Variants in FUBP1 observed in about 807,000 individuals in gnomAD.
FUBP1 encodes the protein far upstream element-binding protein 1.
FUBP1 carries 16 observed loss-of-function variants against 94.9 expected under a neutral mutation model. The observed-to-expected ratio is 0.17, with a 90% CI of 0.11 to 0.26. FUBP1 has a LOEUF of 0.26. Among genes scored for constraint, FUBP1 ranks in the 10% least tolerant of loss-of-function variants. The pLI, the probability that FUBP1 is intolerant of heterozygous loss-of-function variation, is 1.00. For missense variants in FUBP1, 583 were observed against 808.6 expected, an observed-to-expected ratio of 0.72 and a Z score of 3.38; for synonymous variants, 279 against 254.9, an observed-to-expected ratio of 1.09 and a Z score of -0.90.
chr1:77,959,777 T>C (rs977750902), intron 16 of FUBP1, among the ~76,000 whole-genome samples: 6 of 152,230 alleles, frequency 3.9e-5, no homozygotes, highest in African/African-American at 1.4e-4. Context: ...GACTTCTGAA[T>C]AGGTGGGATT....
At chr1:77,964,201 G>GT in intron 11 of FUBP1, 39 bp from the exon 12 acceptor site, 1 of 1,543,512 alleles carries the variant, frequency 6.5e-7, no homozygotes, top group Non-Finnish European at 9.0e-7. Flanking sequence ...AACAATAAAT[G>GT]TATGTCAAAA....
Position 77,965,225 on chromosome 1 carries a change from T to G in FUBP1, c.480A>C (p.Ala160=), listed in dbSNP as rs773825039. The G allele has an allele frequency of 3.7e-6, 6 of 1,600,036 alleles. No individual in the cohort carries two copies. Among genetic ancestry groups the G allele is most frequent in the Non-Finnish European group, 5.1e-6 (6 of 1,168,614 alleles). ...LTGTPESVQS[A]KRLLDQIVEK... ...CAACAATCTGGTCCAGTAACCGTTT[T>G]GCTGACCTGTTAACAAATTAATATT... Residue 160 remains alanine, a synonymous_variant, in exon 8 of 20, where the codon GCA becomes GCC. Transcript: ENST00000370768.
At chr1:77,977,270 C>T (rs1658800815) in intron 1 of FUBP1, among the ~76,000 whole-genome samples, 1 of 152,074 alleles carries the variant, frequency 6.6e-6, no homozygotes, top group South Asian at 2.1e-4. Flanking sequence ...CTTTGGGAGG[C>T]CAAGACGGGC....
intron 18 of FUBP1, among the ~76,000 whole-genome samples, chr1:77,953,420 G>GGCGGAGGTTGCAGTGA (rs1236939378): frequency 1.3e-5 from 2 of 152,176 alleles, no homozygotes; most frequent in African/African-American, 4.8e-5. Context: ...GAACCTGGGA[G>GGCGGAGGTTGCAGTGA]GCGGAGGTTG....
chr1:77,946,159 T>C lies in FUBP1; in HGVS notation c.*2607A>G, dbSNP rs751833265. Among the ~76,000 whole-genome samples the C allele has an allele frequency of 6.6e-6, 1 of 151,978 alleles. No individual in the cohort carries two copies. The highest frequency in any genetic ancestry group is 2.4e-5 in the African/African-American group (1 of 41,424). On this transcript the variant is annotated 3_prime_UTR_variant, in exon 20 of 20. Coordinates refer to ENST00000370768, the MANE Select transcript of FUBP1 (RefSeq NM_003902.5). ...CATATAAAACAGATTGTGAAGGCTG[T>C]TGAAGTTTCTAAACAAGTGATTTCC...
intron 14 of FUBP1, among the ~76,000 whole-genome samples, chr1:77,961,157 G>T (rs1655403590): frequency 6.6e-6 from 1 of 152,046 alleles, no homozygotes; most frequent in South Asian, 2.1e-4. Flanking sequence ...ATGCATGCAT[G>T]CCACATCATT....
chr1:77,971,912 G>A (rs1213490447), intron 1 of FUBP1, among the ~76,000 whole-genome samples: 1 of 151,518 alleles, frequency 6.6e-6, no homozygotes, highest in African/African-American at 2.4e-5. Context: ...GGCTCAGGTG[G>A]GAGAACTGCT....
Position 77,964,711 on chromosome 1 carries a change from G to C in FUBP1, c.772C>G (p.Gln258Glu), listed in dbSNP as rs1656149273. Residue 258 changes from glutamine to glutamate, a missense_variant, in exon 10 of 20, where the codon CAA (glutamine) becomes GAA (glutamate). Coordinates refer to ENST00000370768, the MANE Select transcript of FUBP1 (RefSeq NM_003902.5). ...TTCCGAACTTCTCTGAAACCGCCTT[G>C]ATCACGAATTAACTCTAACACCATT... ...KEMVLELIRDQGGFREVRNEY... is the reference protein window; with the variant it reads ...KEMVLELIRDEGGFREVRNEY... 6.2e-7 allele frequency: 1 copy of C among 1,612,998 alleles called. No homozygotes were observed. Among genetic ancestry groups the C allele is most frequent in the Non-Finnish European group, 8.5e-7 (1 of 1,179,032 alleles).
chr1:77,965,859 C>G lies in FUBP1; in HGVS notation c.474-628G>C, dbSNP rs192803063. ...GTCAAGAGATTGAGACCATCCCGGCCAACATGGTGAAACCCTGTCTCTACT... is the reference window on the plus strand; with the variant it reads ...GTCAAGAGATTGAGACCATCCCGGCGAACATGGTGAAACCCTGTCTCTACT... On this transcript the variant is annotated intron_variant, in intron 7 of 19. Coordinates refer to ENST00000370768, the MANE Select transcript of FUBP1 (RefSeq NM_003902.5). 3.3e-5 allele frequency among the ~76,000 whole-genome samples: 5 copies of G among 152,206 alleles called. No homozygotes were observed. In the East Asian group the frequency reaches 9.7e-4, roughly 29 times the overall value.
In FUBP1 at chr1:77,967,649, G is replaced by A; in HGVS notation, c.268C>T (p.Pro90Ser). Reference protein sequence around the residue: ...PQNDSFGTQLPPMHQQQSRSV... With the variant: ...PQNDSFGTQLSPMHQQQSRSV... ...TACCTTTGCTGCTGATGCATCGGTG[G>A]TAACTGTGTTCCAAAAGCTATCAAA... Residue 90 changes from proline to serine, a missense_variant, in exon 4 of 20, where the codon CCA becomes TCA. Transcript: ENST00000370768. 1.3e-6 allele frequency: 2 copies of A among 1,585,180 alleles called. No homozygotes were observed. The highest frequency in any genetic ancestry group is 1.3e-5 in the African/African-American group (1 of 74,498).
chr1:77,979,250 A>C (rs1659379275), upstream of FUBP1: 1 of 476,680 alleles, frequency 2.1e-6, no homozygotes, highest in Non-Finnish European at 3.8e-6. Context: ...AGACTTCGCG[A>C]GAACAGAATT....
Position 77,966,735 on chromosome 1 carries a change from T to G in FUBP1, c.432A>C (p.Pro144=). ...IQIAPDSGGL[P]ERSCMLTGTP... is the part of the protein sequence containing the mutation. ...TTCCAGTTAACATACAGGACCTTTC[T>G]GGAAGGCCACCACTGTCTACAATTT... The change falls in exon 7 of 20, where the codon CCA becomes CCC. Residue 144 remains proline (P), a synonymous_variant. Transcript: ENST00000370768. The G allele has an allele frequency of 6.3e-7, 1 of 1,577,064 alleles. No homozygotes were observed. The highest frequency in any genetic ancestry group is 8.7e-7 in the Non-Finnish European group (1 of 1,146,554).
intron 18 of FUBP1, among the ~76,000 whole-genome samples, chr1:77,952,355 C>T (rs1325871441): frequency 6.6e-6 from 1 of 151,086 alleles, no homozygotes; most frequent in Non-Finnish European, 1.5e-5. Flanking sequence ...TTAACCCACA[C>T]CTGTTTTCAA....
At chr1:77,970,207 T>G (rs1220971754) in intron 1 of FUBP1, among the ~76,000 whole-genome samples, 192 bp from the exon 2 acceptor site, 3 of 152,156 alleles carry the variant, frequency 2.0e-5, no homozygotes, top group Non-Finnish European at 4.4e-5. Context: ...ATAATAATCA[T>G]AAGATTATTA....
chr1:77,967,859 C>T (rs539456454), intron 3 of FUBP1, among the ~76,000 whole-genome samples, 193 bp from the exon 4 acceptor site: 90 of 152,204 alleles, frequency 5.9e-4, no homozygotes, highest in African/African-American at 2.1e-3. Flanking sequence ...AAAGGGAAGA[C>T]ATTATATTAG....
intron 1 of FUBP1, among the ~76,000 whole-genome samples, chr1:77,973,991 T>C (rs1437726954): frequency 6.6e-6 from 1 of 152,170 alleles, no homozygotes; most frequent in Non-Finnish European, 1.5e-5. Context: ...GGCACGATCA[T>C]GGCTCACTTA....
Position 77,947,364 on chromosome 1 carries a change from T to C in FUBP1, c.*1402A>G. 1 of 468,284 alleles carries C rather than the reference T, an allele frequency of 2.1e-6. No homozygotes were observed. The highest frequency in any genetic ancestry group is 4.2e-6 in the Non-Finnish European group (1 of 238,750). 29.0% of individuals were successfully genotyped at this position (468,284 alleles called of 1,614,324 possible). On this transcript the variant is annotated 3_prime_UTR_variant, in exon 20 of 20. Coordinates refer to ENST00000370768, the MANE Select transcript of FUBP1 (RefSeq NM_003902.5). ...ATCAGCACTGTATTCCAACATAATATTCACACAACGTATGGCATTTGCATT... is the reference window on the plus strand; with the variant it reads ...ATCAGCACTGTATTCCAACATAATACTCACACAACGTATGGCATTTGCATT...
In FUBP1 at chr1:77,970,000, C is replaced by T. The variant is rs2102455229; in HGVS notation, c.136G>A (p.Gly46Arg). ...QRARQIAAKI[G>R]GDAGTSLNSN... ...TTCAGTGATGTCCCTGCATCACCTC[C>T]AATTTTTGCTGCAATCTAAAAAAAA... is the stretch of plus-strand genomic sequence containing the variant. The change falls in exon 2 of 20, where the codon GGA becomes AGA. Residue 46 changes from glycine (G) to arginine (R), a missense_variant. Transcript: ENST00000370768. The T allele has an allele frequency of 6.4e-7, 1 of 1,567,648 alleles. No individual in the cohort carries two copies. Among genetic ancestry groups the T allele is most frequent in the Non-Finnish European group, 8.7e-7 (1 of 1,147,520 alleles).
rs370561041 is a variant in FUBP1 at position 77,976,454 on chromosome 1, TAAG to T, written c.120+2428_120+2430del. On this transcript the variant is annotated intron_variant, in intron 1 of 19. Transcript: ENST00000370768. ...CAATTTGCCAACAATTTCTATATTT[TAAG>T]AAGTATAAAGAAATTATGGCTTAGC... Among the ~76,000 whole-genome samples, 255 of 152,328 alleles carry T rather than the reference TAAG, an allele frequency of 1.7e-3. 4 individuals carry two copies. Among genetic ancestry groups the T allele is most frequent in the African/African-American group, 5.9e-3 (244 of 41,582 alleles).
Sources: allele counts gnomAD v4.1 joint callset (sites outside exome capture counted in the v4.1 genomes callset), GRCh38; gene constraint gnomAD v4.1.1; transcripts MANE v1.5; gene names NCBI Gene and HGNC (gene_info 2026-07-23, HGNC 2026-07-21).